The following GNG7 variants were observed in gnomAD, a reference collection of about 807,000 sequenced individuals.
GNG7 encodes the protein G protein subunit gamma 7.
A neutral mutation model predicts 4.0 loss-of-function variants in GNG7; 1 was observed. The observed-to-expected ratio is 0.25, with a 90% confidence interval of 0.09 to 1.18. The LOEUF (loss-of-function observed/expected upper bound fraction) is 1.18, where lower values mean the gene tolerates loss of function less well. GNG7 is among the 50% of genes most tolerant of loss of function. The pLI, the probability that GNG7 is intolerant of heterozygous loss-of-function variation, is 0.50. For missense variants in GNG7, 86 were observed against 91.9 expected, an observed-to-expected ratio of 0.94 and a Z score of 0.26; for synonymous variants, 34 against 36.9, an observed-to-expected ratio of 0.92 and a Z score of 0.29.
rs1978292227 is a variant in GNG7, at chr19:2,518,153, G to A, written c.81+2455C>T. Among the ~76,000 whole-genome samples the A allele has an allele frequency of 2.0e-5, 3 of 152,180 alleles. No individual in the cohort carries two copies. The South Asian group carries it at 6.2e-4, about 31-fold the overall frequency. On this transcript the variant is annotated intron_variant, in intron 4 of 4. Coordinates refer to ENST00000382159, the MANE Select transcript of GNG7 (RefSeq NM_052847.3). ...GCTGGTGAGCCCCAAGATCGTCGCC[G>A]TTGAGGTTCTGTGGTTCTGGTCGCC...
At chr19:2,698,310 T>C (rs1913319616) in intron 1 of GNG7, among the ~76,000 whole-genome samples, 1 of 150,446 alleles carries the variant, frequency 6.6e-6, no homozygotes, top group Admixed American at 6.6e-5. Flanking sequence ...ACGCCTGTAA[T>C]CCCAACACTT....
chr19:2,616,702 G>A (rs1981732975), intron 2 of GNG7, among the ~76,000 whole-genome samples: 1 of 151,980 alleles, frequency 6.6e-6, no homozygotes, highest in Non-Finnish European at 1.5e-5. Context: ...GAACCCGGGA[G>A]GCAGAGGTTG....
intron 1 of GNG7, among the ~76,000 whole-genome samples, chr19:2,661,995 C>A (rs1242046960): frequency 1.3e-5 from 2 of 152,190 alleles, no homozygotes; most frequent in Non-Finnish European, 2.9e-5. Flanking sequence ...TGCAGTGGCT[C>A]ACGCCTGTAA....
In GNG7 at chr19:2,584,287, T is replaced by TAAAAAA. The variant is rs71337152; in HGVS notation, c.-77-29105_-77-29100dup. The stretch of plus-strand genomic sequence containing the variant: ...GGGAGACCCTATCTCCGCAAAGAAT[T>TAAAAAA]AAAAAAAAAAAAAAAAAGCGATGGC... On this transcript the variant is annotated intron_variant, in intron 2 of 4. Transcript: ENST00000382159. Among the ~76,000 whole-genome samples the TAAAAAA allele has an allele frequency of 1.1e-3, 121 of 107,478 alleles. 2 individuals carry two copies. The highest frequency in any genetic ancestry group is 3.6e-3 in the African/African-American group (96 of 26,628). The allele number at this position is 107,478 out of a possible 152,430, so 70.5% of individuals were successfully genotyped here.
chr19:2,593,013 AAAAG>A (rs542394228), intron 2 of GNG7, among the ~76,000 whole-genome samples: 23 of 150,682 alleles, frequency 1.5e-4, no homozygotes, highest in African/African-American at 7.3e-5. Context: ...AGAAGGGAAA[AAAAG>A]AAAGAAGAAA....
At chr19:2,679,106 G>T (rs1331703376) in intron 1 of GNG7, among the ~76,000 whole-genome samples, 1 of 152,114 alleles carries the variant, frequency 6.6e-6, no homozygotes, top group South Asian at 2.1e-4. Flanking sequence ...GGAATGCAGT[G>T]GTGCAATCAT....
chr19:2,574,921 C>T (rs1044450311), intron 2 of GNG7, among the ~76,000 whole-genome samples: 25 of 152,114 alleles, frequency 1.6e-4, no homozygotes, highest in African/African-American at 3.9e-4. Flanking sequence ...TAAATGGGCT[C>T]GTGGTTTCTC....
chr19:2,536,268 A>T (rs1978732640), intron 3 of GNG7, among the ~76,000 whole-genome samples: 1 of 151,838 alleles, frequency 6.6e-6, no homozygotes, highest in Admixed American at 6.6e-5. Flanking sequence ...ATACAAAAAC[A>T]GTAGCTGGGT....
rs141382274 is a variant in GNG7, at chr19:2,685,396, G to A, written c.-135+17250C>T. 9.3e-3 allele frequency among the ~76,000 whole-genome samples: 1,420 copies of A among 152,284 alleles called. 22 individuals carry two copies. The highest frequency in any genetic ancestry group is 0.033 in the African/African-American group (1,353 of 41,554). On this transcript the variant is annotated intron_variant, in intron 1 of 4. Transcript: ENST00000382159. Reference sequence around the variant, plus strand: ...CTCAGCACTTTGGGAGGCCGAGGCTGAAGGATAGCTTGAGCCTAGGGGTTG... The same window carrying A: ...CTCAGCACTTTGGGAGGCCGAGGCTAAAGGATAGCTTGAGCCTAGGGGTTG...
chr19:2,592,778 G>A (rs1243387734), intron 2 of GNG7, among the ~76,000 whole-genome samples: 1 of 131,148 alleles, frequency 7.6e-6, no homozygotes, highest in African/African-American at 2.8e-5. Flanking sequence ...AAGGAAGGAA[G>A]GAGAGGGAGG....
intron 1 of GNG7, among the ~76,000 whole-genome samples, chr19:2,683,851 G>A (rs929965657): frequency 5.3e-5 from 8 of 152,162 alleles, no homozygotes; most frequent in African/African-American, 1.4e-4. Context: ...GGAGGTACCC[G>A]TGCAGAAACA....
At chr19:2,610,987 G>A (rs1168084232) in intron 2 of GNG7, 1 of 103,224 alleles carries the variant, frequency 9.7e-6, no homozygotes, top group Non-Finnish European at 2.0e-5. Flanking sequence ...GGGGGGAACG[G>A]GCTCACGTGC....
At chr19:2,592,843 A>T (rs1980888801) in intron 2 of GNG7, among the ~76,000 whole-genome samples, 1 of 136,610 alleles carries the variant, frequency 7.3e-6, no homozygotes, top group African/African-American at 2.8e-5. Context: ...AGGGAGGGAG[A>T]GAGGGAGAGA....
intron 1 of GNG7, among the ~76,000 whole-genome samples, chr19:2,647,855 C>T (rs985168189): frequency 3.3e-5 from 5 of 151,796 alleles, no homozygotes; most frequent in Admixed American, 6.6e-5. Flanking sequence ...TGTTGAAATC[C>T]TGTCTCTACT....
intron 2 of GNG7, among the ~76,000 whole-genome samples, chr19:2,613,170 G>T (rs993268482): frequency 6.6e-6 from 1 of 152,156 alleles, no homozygotes; most frequent in African/African-American, 2.4e-5. Context: ...AACCCGGCTG[G>T]TGGCTGCAGC....
intron 1 of GNG7, among the ~76,000 whole-genome samples, chr19:2,697,791 C>G (rs1037951581): frequency 5.3e-5 from 8 of 151,438 alleles, no homozygotes; most frequent in Admixed American, 1.3e-4. Context: ...CCCCGTCCCC[C>G]CCCCCGCCCG....
intron 3 of GNG7, among the ~76,000 whole-genome samples, chr19:2,531,303 CAAAAAAAAAA>C (rs58133235): frequency 0.53 from 50,624 of 95,932 alleles, 10,273 homozygotes; most frequent in Middle Eastern, 0.6. Context: ...GATTCCGTCT[CAAAAAAAAAA>C]AAAAAAAAAA....
chr19:2,526,428 T>G (rs751200980), intron 3 of GNG7, among the ~76,000 whole-genome samples: 3 of 119,382 alleles, frequency 2.5e-5, no homozygotes, highest in Non-Finnish European at 5.1e-5. Flanking sequence ...TAATATAAAC[T>G]TATACTATAT....
At chr19:2,642,276 C>T (rs1449018265) in intron 2 of GNG7, 1 of 186,966 alleles carries the variant, frequency 5.3e-6, no homozygotes, top group East Asian at 1.3e-4. Context: ...TCAGAAATCG[C>T]AATGTTTCTT....
Sources: allele counts gnomAD v4.1 joint callset (sites outside exome capture counted in the v4.1 genomes callset), GRCh38; gene constraint gnomAD v4.1.1; transcripts MANE v1.5; gene names NCBI Gene and HGNC (gene_info 2026-07-23, HGNC 2026-07-21).